ZFAT: variants seen among roughly 807,000 people sequenced by gnomAD.
ZFAT encodes the protein zinc finger and AT-hook domain containing.
In ZFAT, 64 loss-of-function variants were observed where a neutral mutation model predicts 117.7. The ratio of observed to expected loss-of-function variants is 0.54; its 90% CI spans 0.44 to 0.67. ZFAT has a LOEUF of 0.67. ZFAT is among the 30% of genes least tolerant of loss of function. The probability of loss-of-function intolerance (pLI) is 0.00; values close to 1 mark genes in which losing one functional copy is unlikely to be tolerated. For missense variants in ZFAT, 1,433 were observed against 1,584.5 expected (o/e 0.90, Z 1.62); for synonymous variants, 679 against 615.0 (o/e 1.10, Z -1.54).
intron 15 of ZFAT, among the ~76,000 whole-genome samples, chr8:134,488,173 C>T (rs899635638): frequency 6.6e-6 from 1 of 152,228 alleles, no homozygotes; most frequent in Non-Finnish European, 1.5e-5. Context: ...AGATGCTACT[C>T]AGTGGGGCCT....
chr8:134,701,739 T>C (rs1314392228), intron 1 of ZFAT, among the ~76,000 whole-genome samples: 1 of 152,260 alleles, frequency 6.6e-6, no homozygotes, highest in Non-Finnish European at 1.5e-5. Context: ...CATCACTTTT[T>C]CATCCTTTTT....
At chr8:134,759,970 C>CAAAAAAAA in the ZFAT span, among the ~76,000 whole-genome samples, 2 of 53,180 alleles carry the variant, frequency 3.8e-5, no homozygotes, top group Non-Finnish European at 6.5e-5. Context: ...GACTCCGTCT[C>CAAAAAAAA]AAAAAAAAAA....
At chr8:134,584,042 A>G in intron 9 of ZFAT, 37 bp from the exon 10 acceptor site, 1 of 1,536,714 alleles carries the variant, frequency 6.5e-7, no homozygotes, top group Non-Finnish European at 8.8e-7. Flanking sequence ...CTATATATTT[A>G]CATACGTTTA....
At chr8:134,744,727 C>CTTT in the ZFAT span, among the ~76,000 whole-genome samples, 1,362 of 103,474 alleles carry the variant, frequency 0.013, 75 homozygotes, top group Admixed American at 0.028. Context: ...GCCTACTCTC[C>CTTT]TTTTTTTTTT....
At chr8:134,616,302 T>C (rs189768518) in intron 3 of ZFAT, among the ~76,000 whole-genome samples, 14 of 152,310 alleles carry the variant, frequency 9.2e-5, no homozygotes, top group Non-Finnish European at 1.9e-4. Flanking sequence ...GAAAGACACT[T>C]TAACAACAGC....
chr8:134,604,663 T>C (rs941378790), intron 5 of ZFAT, among the ~76,000 whole-genome samples: 1 of 152,256 alleles, frequency 6.6e-6, no homozygotes, highest in Non-Finnish European at 1.5e-5. Context: ...ACTCTCACTG[T>C]AAAGTCTATA....
intron 2 of ZFAT, among the ~76,000 whole-genome samples, chr8:134,644,089 G>A (rs1227481566): frequency 6.6e-6 from 1 of 152,100 alleles, no homozygotes; most frequent in African/African-American, 2.4e-5. Context: ...GAACTTAACC[G>A]CGCAGAGGCA....
chr8:134,658,961 C>T (rs1409606474), intron 1 of ZFAT, among the ~76,000 whole-genome samples: 4 of 152,204 alleles, frequency 2.6e-5, no homozygotes, highest in Admixed American at 6.5e-5. Context: ...AACACTGACT[C>T]GGCGCAACTC....
the ZFAT span, among the ~76,000 whole-genome samples, chr8:134,719,459 C>CA: frequency 6.6e-6 from 1 of 151,768 alleles, no homozygotes. Context: ...GCAGCAGCAG[C>CA]GAGGGTGAGA....
chr8:134,585,674 T>C (rs1826020911), intron 9 of ZFAT, among the ~76,000 whole-genome samples: 1 of 152,188 alleles, frequency 6.6e-6, no homozygotes, highest in South Asian at 2.1e-4. Flanking sequence ...CTCTGTGACA[T>C]ACGGTCGTGG....
the ZFAT span, among the ~76,000 whole-genome samples, chr8:134,815,604 CCTCT>C: frequency 2.6e-5 from 4 of 152,170 alleles, no homozygotes; most frequent in Non-Finnish European, 5.9e-5. Flanking sequence ...ACTAGCTGGT[CCTCT>C]CTGACTTCTC....
chr8:134,815,515 T>C, the ZFAT span, among the ~76,000 whole-genome samples: 1 of 152,214 alleles, frequency 6.6e-6, no homozygotes, highest in Non-Finnish European at 1.5e-5. Context: ...ACAACACCTC[T>C]GTTTTAAAAC....
chr8:134,541,225 T>A (rs1176312970), intron 11 of ZFAT, among the ~76,000 whole-genome samples: 1 of 152,198 alleles, frequency 6.6e-6, no homozygotes, highest in African/African-American at 2.4e-5. Flanking sequence ...ATTTAAGACG[T>A]GACTGAATTA....
chr8:134,662,580 T>G (rs1051413983), intron 1 of ZFAT, among the ~76,000 whole-genome samples: 5 of 152,154 alleles, frequency 3.3e-5, no homozygotes, highest in Non-Finnish European at 7.3e-5. Context: ...TCATCAGGCC[T>G]GGGGAAGGTT....
chr8:134,755,977 C>CA, the ZFAT span, among the ~76,000 whole-genome samples: 8 of 152,238 alleles, frequency 5.3e-5, no homozygotes, highest in South Asian at 1.4e-3. Flanking sequence ...AATTGTTCAA[C>CA]AAATGTTGAC....
At chr8:134,539,354 T>G (rs7816909) in intron 11 of ZFAT, among the ~76,000 whole-genome samples, 119,295 of 152,200 alleles carry the variant, frequency 0.78, 47,099 homozygotes, top group East Asian at 0.91. Flanking sequence ...CATCAGGTAA[T>G]GTTTTTGCAG....
At chr8:134,658,960 T>C (rs1006798590) in intron 1 of ZFAT, among the ~76,000 whole-genome samples, 1 of 152,196 alleles carries the variant, frequency 6.6e-6, no homozygotes, top group Non-Finnish European at 1.5e-5. Context: ...CAACACTGAC[T>C]CGGCGCAACT....
At chr8:134,491,885 C>G (rs1053017491) in intron 15 of ZFAT, among the ~76,000 whole-genome samples, 11 of 152,242 alleles carry the variant, frequency 7.2e-5, no homozygotes, top group African/African-American at 2.4e-4. Flanking sequence ...TGGGGCACCA[C>G]TGTCCTGCCA....
intron 15 of ZFAT, among the ~76,000 whole-genome samples, chr8:134,502,549 C>T (rs1293101511): frequency 1.3e-5 from 2 of 152,222 alleles, no homozygotes; most frequent in Non-Finnish European, 2.9e-5. Context: ...TCAGGCTTCA[C>T]GCTGTATGCT....
Sources: allele counts gnomAD v4.1 joint callset (sites outside exome capture counted in the v4.1 genomes callset), GRCh38; gene constraint gnomAD v4.1.1; transcripts MANE v1.5; gene names NCBI Gene and HGNC (gene_info 2026-07-23, HGNC 2026-07-21).